Variants in NRXN3 observed in about 807,000 individuals in gnomAD.
NRXN3 encodes neurexin III.
Under a neutral mutation model 137.6 loss-of-function variants are expected in NRXN3, and 32 were observed. The observed-to-expected ratio is 0.23, with a 90% CI of 0.18 to 0.31. The LOEUF is 0.31. NRXN3 is among the 10% of genes least tolerant of loss of function. NRXN3 has a pLI of 1.00. For synonymous variants in NRXN3, 798 were observed against 784.5 expected, an observed-to-expected ratio of 1.02 and a Z score of -0.29; for missense variants, 1,574 against 2,062.5, an observed-to-expected ratio of 0.76 and a Z score of 4.59.
At chr14:79,172,706 T>G (rs2061908681) in intron 15 of NRXN3, among the ~76,000 whole-genome samples, 1 of 152,230 alleles carries the variant, frequency 6.6e-6, no homozygotes, top group Non-Finnish European at 1.5e-5. Flanking sequence ...CTCTGGTGTC[T>G]TTTTCTTAAT....
intron 15 of NRXN3, chr14:78,988,375 G>T: frequency 2.0e-6 from 1 of 500,946 alleles, no homozygotes; most frequent in Non-Finnish European, 3.6e-6. Context: ...TTTTTCTTTA[G>T]ATTAGAATAG....
At chr14:79,142,907 A>T (rs578189391) in intron 15 of NRXN3, among the ~76,000 whole-genome samples, 1 of 152,326 alleles carries the variant, frequency 6.6e-6, no homozygotes, top group South Asian at 2.1e-4. Context: ...GCAGAAGATT[A>T]ACTTGGATAG....
intron 4 of NRXN3, among the ~76,000 whole-genome samples, chr14:78,347,750 C>A (rs1302248557): frequency 6.6e-6 from 1 of 152,112 alleles, no homozygotes; most frequent in African/African-American, 2.4e-5. Flanking sequence ...AATCAGGAGT[C>A]CTTGGTTGTA....
chr14:79,036,844 G>T (rs1433879258), intron 15 of NRXN3, among the ~76,000 whole-genome samples: 1 of 151,738 alleles, frequency 6.6e-6, no homozygotes, highest in Non-Finnish European at 1.5e-5. Flanking sequence ...TGAATGGAAG[G>T]GAAGGCGGGA....
intron 17 of NRXN3, among the ~76,000 whole-genome samples, chr14:79,667,114 A>AT (rs2098563604): frequency 6.6e-6 from 1 of 152,090 alleles, no homozygotes; most frequent in Non-Finnish European, 1.5e-5. Flanking sequence ...GGCAATGTTT[A>AT]TTTTAAATCA....
intron 15 of NRXN3, among the ~76,000 whole-genome samples, chr14:79,286,160 A>G (rs1272517898): frequency 2.6e-5 from 4 of 152,092 alleles, no homozygotes; most frequent in Non-Finnish European, 5.9e-5. Context: ...CTGCAGACAC[A>G]TGCTCTAATG....
At chr14:79,296,554 T>C (rs1174941791) in intron 15 of NRXN3, among the ~76,000 whole-genome samples, 2 of 152,078 alleles carry the variant, frequency 1.3e-5, no homozygotes, top group Non-Finnish European at 2.9e-5. Flanking sequence ...TGGGGCTCTT[T>C]GATGGAGGAC....
intron 15 of NRXN3, among the ~76,000 whole-genome samples, chr14:79,151,087 G>A (rs1356848545): frequency 6.6e-6 from 1 of 152,038 alleles, no homozygotes; most frequent in Non-Finnish European, 1.5e-5. Flanking sequence ...ACTAACAGAA[G>A]ACATGCATTT....
At chr14:79,602,661 G>C (rs993566698) in intron 16 of NRXN3, among the ~76,000 whole-genome samples, 1 of 151,668 alleles carries the variant, frequency 6.6e-6, no homozygotes, top group African/African-American at 2.4e-5. Context: ...AACTGACATT[G>C]TTTAAACACA....
At chr14:79,486,928 TC>T (rs1229707196) in intron 16 of NRXN3, among the ~76,000 whole-genome samples, 1 of 28,884 alleles carries the variant, frequency 3.5e-5, no homozygotes, top group Non-Finnish European at 2.2e-4. Flanking sequence ...TCTCTCTCTC[TC>T]TCTCTCTCTC....
chr14:78,778,132 C>T (rs1321678413), intron 8 of NRXN3, among the ~76,000 whole-genome samples: 3 of 152,192 alleles, frequency 2.0e-5, no homozygotes, highest in Non-Finnish European at 4.4e-5. Context: ...TACATTAAAA[C>T]TAAGCTCAGT....
intron 4 of NRXN3, among the ~76,000 whole-genome samples, chr14:78,387,205 T>C (rs1321253286): frequency 1.3e-5 from 2 of 152,212 alleles, no homozygotes; most frequent in African/African-American, 4.8e-5. Flanking sequence ...ATTTCTAATT[T>C]AATATTGAAG....
At chr14:79,308,336 A>G (rs538822551) in intron 15 of NRXN3, among the ~76,000 whole-genome samples, 18 of 152,166 alleles carry the variant, frequency 1.2e-4, no homozygotes, top group African/African-American at 3.6e-4. Flanking sequence ...AAGTTCCCAA[A>G]GCTATTGTGC....
intron 16 of NRXN3, among the ~76,000 whole-genome samples, chr14:79,549,395 C>A (rs2097352473): frequency 6.6e-6 from 1 of 152,136 alleles, no homozygotes; most frequent in African/African-American, 2.4e-5. Context: ...GGGTTAACAG[C>A]ACCTACTGCT....
Position 78,359,375 on chromosome 14 carries a change from G to A in NRXN3, c.757+61515G>A, listed in dbSNP as rs548096635. The stretch of plus-strand genomic sequence containing the variant: ...ACAGCCAGGCAGGGCAGGCTTTGTG[G>A]ATAAGCAACTGTGCAGTCACAGAGG... On this transcript the variant is annotated intron_variant, in intron 4 of 20. Transcript: ENST00000335750. 7.2e-5 allele frequency among the ~76,000 whole-genome samples: 11 copies of A among 152,250 alleles called. No homozygotes were observed. In the South Asian group the frequency reaches 1.9e-3, roughly 26 times the overall value.
chr14:79,308,391 A>G (rs1390233099), intron 15 of NRXN3, among the ~76,000 whole-genome samples: 2 of 152,072 alleles, frequency 1.3e-5, no homozygotes, highest in African/African-American at 2.4e-5. Flanking sequence ...ATTGCTCGTT[A>G]CACTTGAAGG....
At chr14:78,377,966 A>G (rs1018727357) in intron 4 of NRXN3, among the ~76,000 whole-genome samples, 1 of 152,220 alleles carries the variant, frequency 6.6e-6, no homozygotes, top group African/African-American at 2.4e-5. Context: ...AGCAGAATAC[A>G]TATTTTTTTG....
chr14:78,188,871 A>G (rs531850488), intron 1 of NRXN3, among the ~76,000 whole-genome samples: 1 of 152,318 alleles, frequency 6.6e-6, no homozygotes, highest in South Asian at 2.1e-4. Flanking sequence ...TAGTGCTCTC[A>G]GAATGATGTC....
At chr14:78,477,230 C>A (rs1341621304) in intron 4 of NRXN3, among the ~76,000 whole-genome samples, 1 of 152,160 alleles carries the variant, frequency 6.6e-6, no homozygotes, top group Non-Finnish European at 1.5e-5. Flanking sequence ...ATTGGGTCTT[C>A]TTTTCCCCAG....
Sources: gnomAD v4.1 joint callset for allele counts (sites outside exome capture counted in the v4.1 genomes callset) on GRCh38, gnomAD v4.1.1 for gene constraint, MANE v1.5 for transcripts, NCBI Gene and HGNC (gene_info 2026-07-23, HGNC 2026-07-21) for gene names.